AADAT: variants seen among roughly 807,000 people sequenced by gnomAD.
The protein encoded by AADAT is kynurenine/alpha-aminoadipate aminotransferase, mitochondrial.
In AADAT, 25 loss-of-function variants were observed where a neutral mutation model predicts 56.2. The ratio of observed to expected loss-of-function variants is 0.44; its 90% CI spans 0.32 to 0.62. The LOEUF is 0.62. Among genes scored for constraint, AADAT ranks in the 20% least tolerant of loss-of-function variants. AADAT has a pLI of 0.04. For missense variants in AADAT, 387 were observed against 510.5 expected (o/e 0.76, Z 2.33); for synonymous variants, 173 against 164.7 (o/e 1.05, Z -0.39).
chr4:170,075,165 G>A lies in AADAT; in HGVS notation c.445-1820C>T, dbSNP rs114662979. On this transcript the variant is annotated intron_variant, in intron 4 of 12. Transcript: ENST00000337664. ...TTTGGGTATGTGAAAACATTTGTGC[G>A]TGTGTATATGCACGCTTTATATGTA... 7.5e-3 allele frequency among the ~76,000 whole-genome samples: 1,142 copies of A among 152,246 alleles called. 15 individuals carry two copies. Among genetic ancestry groups the A allele is most frequent in the African/African-American group, 0.025 (1,046 of 41,540 alleles).
At chr4:170,088,980 G>A (rs1732702082) in intron 1 of AADAT, among the ~76,000 whole-genome samples, 1 of 152,208 alleles carries the variant, frequency 6.6e-6, no homozygotes, top group East Asian at 1.9e-4. Flanking sequence ...AGACTTCCTA[G>A]CTTCCAGAAC....
In AADAT at chr4:170,068,642, T is replaced by A. The variant is rs1487212742; in HGVS notation, c.849A>T (p.Arg283Ser). 6.2e-7 allele frequency: 1 copy of A among 1,608,440 alleles called. No individual in the cohort carries two copies. Among genetic ancestry groups the A allele is most frequent in the Admixed American group, 1.7e-5 (1 of 57,968 alleles). Residue 283 changes from arginine (R) to serine (S), a missense_variant, in exon 8 of 13, where the codon AGA becomes AGT. Physicochemically the swap from Arg to Ser is moderately radical, Grantham distance 110. Transcript: ENST00000337664. Reference sequence around the variant, plus strand: ...TTGAAACTTGTATGTGTAAAATAACTCTCTCTATTAAGGGTTTTGGACCAG... The same window carrying A: ...TTGAAACTTGTATGTGTAAAATAACACTCTCTATTAAGGGTTTTGGACCAG... Reference protein sequence around the residue: ...FLTGPKPLIERVILHIQVSTL... With the variant: ...FLTGPKPLIESVILHIQVSTL...
chr4:170,067,784 A>C (rs1488787781), intron 8 of AADAT, among the ~76,000 whole-genome samples: 1 of 152,208 alleles, frequency 6.6e-6, no homozygotes, highest in Non-Finnish European at 1.5e-5. Flanking sequence ...TTCTCTAAAT[A>C]TAAAAATGTA....
rs1260774860 is a variant in AADAT at position 170,073,848 on chromosome 4, TTA to T, written c.445-505_445-504del. 5.3e-5 allele frequency among the ~76,000 whole-genome samples: 8 copies of T among 152,284 alleles called. No homozygotes were observed. In the South Asian group the frequency reaches 1.7e-3, roughly 32 times the overall value. The stretch of plus-strand genomic sequence containing the variant: ...ATACCTCCTGTCCCTTCCCAGAGAA[TTA>T]TATAATTCTTTCTTGCCCCGTTTAC... On this transcript the variant is annotated intron_variant, in intron 4 of 12. Coordinates refer to ENST00000337664, the MANE Select transcript of AADAT (RefSeq NM_016228.4).
At chr4:170,093,819 A>T (rs1215644167), upstream of AADAT, among the ~76,000 whole-genome samples, 1 of 152,184 alleles carries the variant, frequency 6.6e-6, no homozygotes, top group Non-Finnish European at 1.5e-5. Context: ...TCTAGTCTTG[A>T]AGTCCTGGCT....
chr4:170,073,465 C>T (rs1005734736), intron 4 of AADAT, 120 bp from the exon 5 acceptor site: 29 of 837,700 alleles, frequency 3.5e-5, no homozygotes, highest in African/African-American at 5.2e-5. Context: ...TATATAAACC[C>T]GCAACCAGCT....
Position 170,067,284 on chromosome 4 carries a change from G to T in AADAT, c.962+43C>A, listed in dbSNP as rs1178620352. On this transcript the variant is annotated intron_variant, in intron 9 of 12. Transcript: ENST00000337664. ...AGGTGATCTGTACTATGTTCACTGG[G>T]CTCCTGTTTTGTTCATAAATATTTA... The T allele has an allele frequency of 2.8e-6, 4 of 1,436,934 alleles. No homozygotes were observed. The Admixed American group carries it at 5.2e-5, about 19-fold the overall frequency. 89.0% of individuals were successfully genotyped at this position (1,436,934 alleles called of 1,614,324 possible).
chr4:170,081,696 T>C (rs753092371), intron 3 of AADAT, among the ~76,000 whole-genome samples: 1 of 152,186 alleles, frequency 6.6e-6, no homozygotes, highest in Non-Finnish European at 1.5e-5. Flanking sequence ...TCTAAGAATA[T>C]ACATATATTT....
chr4:170,069,907 T>C (rs894977417), intron 6 of AADAT, among the ~76,000 whole-genome samples: 34 of 152,144 alleles, frequency 2.2e-4, no homozygotes, highest in Admixed American at 5.9e-4. Flanking sequence ...AAAGAAAGTG[T>C]TGGCTTTTGA....
At chr4:170,091,022 A>G (rs959821825), upstream of AADAT, among the ~76,000 whole-genome samples, 1 of 152,232 alleles carries the variant, frequency 6.6e-6, no homozygotes, top group African/African-American at 2.4e-5. Context: ...TCTTTGTGCT[A>G]GCAGCTAAAT....
upstream of AADAT, among the ~76,000 whole-genome samples, chr4:170,093,928 A>G (rs1732938130): frequency 6.6e-6 from 1 of 152,148 alleles, no homozygotes; most frequent in Admixed American, 6.5e-5. Context: ...ATACGTAATT[A>G]ATTGATTTTT....
At chr4:170,087,077 C>T (rs547664922) in intron 3 of AADAT, 39 bp downstream of exon 3, 2 of 1,611,492 alleles carry the variant, frequency 1.2e-6, no homozygotes, top group Admixed American at 1.7e-5. Flanking sequence ...TGAATGCTTC[C>T]AATTCTACAT....
chr4:170,091,103 T>C (rs1175761457), upstream of AADAT, among the ~76,000 whole-genome samples: 1 of 152,192 alleles, frequency 6.6e-6, no homozygotes, highest in Non-Finnish European at 1.5e-5. Flanking sequence ...TCTTGGCGCC[T>C]CCTCGGCCTC....
Position 170,073,317 on chromosome 4 carries a change from T to C in AADAT, c.473A>G (p.Asn158Ser). The C allele has an allele frequency of 1.2e-6, 2 of 1,613,948 alleles. No individual in the cohort carries two copies. The highest frequency in any genetic ancestry group is 1.7e-6 in the Non-Finnish European group (2 of 1,179,990). ...SLHPLGCNIINVASDESGIVP... is the reference protein window; with the variant it reads ...SLHPLGCNIISVASDESGIVP... ...AATCCCACTTTCATCACTGGCAACA[T>C]TAATAATGTTGCAGCCCAGTGGGTG... The change falls in exon 5 of 13, where the codon AAT (asparagine) becomes AGT (serine). Residue 158 changes from asparagine to serine, a missense_variant. Transcript: ENST00000337664.
At chr4:170,076,105 A>T (rs182207341) in intron 4 of AADAT, among the ~76,000 whole-genome samples, 1 of 152,322 alleles carries the variant, frequency 6.6e-6, no homozygotes, top group East Asian at 1.9e-4. Context: ...CTGGGTATAT[A>T]GCCATGAGTG....
At chr4:170,067,955 A>G (rs1436231132) in intron 8 of AADAT, among the ~76,000 whole-genome samples, 2 of 152,056 alleles carry the variant, frequency 1.3e-5, no homozygotes, top group Non-Finnish European at 2.9e-5. Context: ...CCTGGCTAAC[A>G]TGGTGAAACT....
intron 6 of AADAT, among the ~76,000 whole-genome samples, chr4:170,069,840 C>G (rs770633923): frequency 1.3e-5 from 2 of 152,004 alleles, no homozygotes; most frequent in African/African-American, 2.4e-5. Flanking sequence ...TTATCTCTTC[C>G]CAGTATATTT....
At chr4:170,076,294 C>T (rs187239088) in intron 4 of AADAT, among the ~76,000 whole-genome samples, 10 of 152,128 alleles carry the variant, frequency 6.6e-5, no homozygotes, top group African/African-American at 2.4e-4. Context: ...TAGTATCTCA[C>T]AGTAGTTTTG....
upstream of AADAT, among the ~76,000 whole-genome samples, chr4:170,092,388 C>T (rs997702169): frequency 1.3e-5 from 2 of 152,222 alleles, no homozygotes; most frequent in Non-Finnish European, 2.9e-5. Context: ...ACACTCACCG[C>T]CAAAGTCTGC....
Sources: allele counts gnomAD v4.1 joint callset (sites outside exome capture counted in the v4.1 genomes callset), GRCh38; gene constraint gnomAD v4.1.1; transcripts MANE v1.5; gene names NCBI Gene and HGNC (gene_info 2026-07-23, HGNC 2026-07-21).